The following CHD6 variants were observed in gnomAD, a reference collection of about 807,000 sequenced individuals.
CHD6 encodes the protein ATP-dependent chromatin remodeler CHD6.
Under a neutral mutation model 276.9 loss-of-function variants are expected in CHD6, and 50 were observed. That is an observed-to-expected ratio of 0.18 (90% CI 0.14 to 0.23). CHD6 has a LOEUF of 0.23. CHD6 is among the 10% of genes least tolerant of loss of function. The pLI is 1.00. For synonymous variants in CHD6, 1,173 were observed against 1,229.3 expected, an observed-to-expected ratio of 0.95 and a Z score of 0.96; for missense variants, 2,564 against 3,365.8, an observed-to-expected ratio of 0.76 and a Z score of 5.89.
At chr20:41,468,432 C>T (rs571635224) in intron 17 of CHD6, among the ~76,000 whole-genome samples, 6 of 152,172 alleles carry the variant, frequency 3.9e-5, no homozygotes, top group Admixed American at 3.3e-4. Flanking sequence ...ATTCTTATCC[C>T]CTTATTTTAT....
chr20:41,407,991 C>G (rs1286534759), intron 36 of CHD6, among the ~76,000 whole-genome samples: 2 of 152,022 alleles, frequency 1.3e-5, no homozygotes, highest in Non-Finnish European at 2.9e-5. Flanking sequence ...ACGTGCATAT[C>G]TGAATGTTTC....
chr20:41,541,413 T>G (rs2044939957), intron 2 of CHD6, among the ~76,000 whole-genome samples: 1 of 152,184 alleles, frequency 6.6e-6, no homozygotes, highest in South Asian at 2.1e-4. Context: ...GGTTAGACAG[T>G]TCAGTTGCAG....
rs1009771837 is a variant in CHD6, at chr20:41,419,577, A to G, written c.6127+931T>C. ...CTCAAAAAAAAAAAAAAAAAAAAAA[A>G]AAAAAAAAAAAAAAGGCTAGATAAC... On this transcript the variant is annotated intron_variant, in intron 31 of 36. Coordinates refer to ENST00000373233, the MANE Select transcript of CHD6 (RefSeq NM_032221.5). Among the ~76,000 whole-genome samples the G allele has an allele frequency of 1.9e-3, 254 of 133,182 alleles. 1 individual carries two copies. The highest frequency in any genetic ancestry group is 8.8e-3 in the African/African-American group (249 of 28,284). 87.4% of individuals were successfully genotyped at this position (133,182 alleles called of 152,430 possible).
In CHD6 at chr20:41,452,603, C is replaced by A. The variant is rs981484440; in HGVS notation, c.3323+137G>T. The A allele has an allele frequency of 1.2e-5, 9 of 749,638 alleles. No homozygotes were observed. The highest frequency in any genetic ancestry group is 1.7e-5 in the Non-Finnish European group (8 of 459,974). The allele number at this position is 749,638 out of a possible 1,614,324, so 46.4% of individuals were successfully genotyped here. On this transcript the variant is annotated intron_variant, in intron 21 of 36. Coordinates refer to ENST00000373233, the MANE Select transcript of CHD6 (RefSeq NM_032221.5). The surrounding 1 kb of genome is among the most constrained non-coding windows in gnomAD (Gnocchi z 4.2). ...GATTCTGGGCAGAAGGCACAGTTCT[C>A]TCTTGCTCCAACAGATCCCCCTTTG...
At chr20:41,445,582 T>C in intron 25 of CHD6, 83 bp downstream of exon 25, 1 of 800,074 alleles carries the variant, frequency 1.2e-6, no homozygotes, top group African/African-American at 1.7e-5. Context: ...TGCAGGAACA[T>C]GCCGAGCTTA....
chr20:41,419,349 G>C (rs1010049534), intron 31 of CHD6, among the ~76,000 whole-genome samples: 10 of 151,794 alleles, frequency 6.6e-5, no homozygotes, highest in South Asian at 2.1e-4. Context: ...GGAGGCTGAG[G>C]CAAGTGGATT....
chr20:41,589,809 C>A (rs370788028), intron 1 of CHD6, among the ~76,000 whole-genome samples: 11 of 152,282 alleles, frequency 7.2e-5, no homozygotes, highest in Admixed American at 2.6e-4. Flanking sequence ...TAATTTATAG[C>A]TTCAATGCCA....
At position 41,488,284 on chromosome 20, in the gene CHD6, C is replaced by T. The variant is rs904923354; in HGVS notation, c.1857+144G>A. Reference sequence around the variant, plus strand: ...TAACCAAAAAATCTTAATTCCTATACTATTGCAGTTATAGAGACCAAAAAA... The same window carrying T: ...TAACCAAAAAATCTTAATTCCTATATTATTGCAGTTATAGAGACCAAAAAA... On this transcript the variant is annotated intron_variant, in intron 13 of 36. Transcript: ENST00000373233. 16 of 723,294 alleles carry T rather than the reference C, an allele frequency of 2.2e-5. 1 individual carries two copies. In the East Asian group the frequency reaches 2.8e-4, roughly 13 times the overall value. 44.8% of individuals were successfully genotyped at this position (723,294 alleles called of 1,614,324 possible).
intron 26 of CHD6, 95 bp from the exon 27 acceptor site, chr20:41,437,429 G>T: frequency 1.3e-6 from 1 of 745,104 alleles, no homozygotes; most frequent in Non-Finnish European, 2.3e-6. Flanking sequence ...AAAATACTAA[G>T]ATATTTTGGG....
chr20:41,503,786 T>C (rs918134077), intron 5 of CHD6, among the ~76,000 whole-genome samples: 2 of 152,054 alleles, frequency 1.3e-5, no homozygotes, highest in African/African-American at 4.8e-5. Context: ...CAGAAATACT[T>C]TGAACTTTCG....
chr20:41,518,793 T>C (rs746341255), intron 3 of CHD6, among the ~76,000 whole-genome samples: 1 of 152,182 alleles, frequency 6.6e-6, no homozygotes, highest in Non-Finnish European at 1.5e-5. Context: ...AATAGGATAT[T>C]AAGAAAATAC....
At chr20:41,443,367 C>T (rs540512011) in intron 25 of CHD6, among the ~76,000 whole-genome samples, 2 of 152,302 alleles carry the variant, frequency 1.3e-5, no homozygotes, top group African/African-American at 2.4e-5. Flanking sequence ...CAATAATAAC[C>T]TGTCTTTTCC....
At chr20:41,519,843 G>A (rs1225416029) in intron 3 of CHD6, among the ~76,000 whole-genome samples, 1 of 152,148 alleles carries the variant, frequency 6.6e-6, no homozygotes, top group Non-Finnish European at 1.5e-5. Context: ...TTAAACTAAA[G>A]AGCTTCTGCA....
chr20:41,414,832 G>A, intron 34 of CHD6: 1 of 1,162,240 alleles, frequency 8.6e-7, no homozygotes, highest in Non-Finnish European at 1.1e-6. Context: ...CCCAGTCTTG[G>A]AGAGCCTCAC....
intron 36 of CHD6, among the ~76,000 whole-genome samples, chr20:41,411,083 G>C (rs2046828600): frequency 6.6e-6 from 1 of 152,014 alleles, no homozygotes; most frequent in African/African-American, 2.4e-5. Context: ...AAAGCAAGAG[G>C]GGAAAAAAGG....
intron 18 of CHD6, among the ~76,000 whole-genome samples, 177 bp from the exon 19 acceptor site, chr20:41,456,156 A>G (rs992612084): frequency 1.3e-5 from 2 of 152,152 alleles, no homozygotes; most frequent in African/African-American, 4.8e-5. Context: ...TGGGGAGGGC[A>G]GGCAGACAGT....
intron 30 of CHD6, 120 bp from the exon 31 acceptor site, chr20:41,422,199 T>A (rs1298085393): frequency 9.7e-7 from 1 of 1,030,804 alleles, no homozygotes; most frequent in South Asian, 1.7e-5. Flanking sequence ...CATGGCAGTT[T>A]CAGGTGTGTG....
At chr20:41,412,632 C>T (rs968630266) in intron 35 of CHD6, among the ~76,000 whole-genome samples, 3 of 152,172 alleles carry the variant, frequency 2.0e-5, no homozygotes, top group Non-Finnish European at 1.5e-5. Flanking sequence ...CTGGAGGGTG[C>T]ACATCTGTGA....
intron 6 of CHD6, among the ~76,000 whole-genome samples, chr20:41,498,933 TC>T (rs2043762948): frequency 6.6e-6 from 1 of 151,916 alleles, no homozygotes; most frequent in Admixed American, 6.6e-5. Flanking sequence ...TGTTGGCCTC[TC>T]AAAGTGATGG....
Sources: allele counts gnomAD v4.1 joint callset (sites outside exome capture counted in the v4.1 genomes callset), GRCh38; gene constraint gnomAD v4.1.1; non-coding constraint Gnocchi (gnomAD v3.1); transcripts MANE v1.5; gene names NCBI Gene and HGNC (gene_info 2026-07-23, HGNC 2026-07-21).